The following SLC39A8 variants were observed in gnomAD, a reference collection of about 807,000 sequenced individuals.
SLC39A8 encodes solute carrier family 39 member 8.
In SLC39A8, 15 loss-of-function variants were observed where a neutral mutation model predicts 40.4. That is an observed-to-expected ratio of 0.37 (90% CI 0.25 to 0.57). The LOEUF (loss-of-function observed/expected upper bound fraction) is 0.57, where lower values mean the gene tolerates loss of function less well. Among genes scored for constraint, SLC39A8 ranks in the 20% least tolerant of loss-of-function variants. SLC39A8 has a pLI of 0.75. For missense variants in SLC39A8, 472 were observed against 558.8 expected, an observed-to-expected ratio of 0.84 and a Z score of 1.57; for synonymous variants, 223 against 221.6, an observed-to-expected ratio of 1.01 and a Z score of -0.06.
At chr4:102,344,308 C>G in intron 2 of SLC39A8, 136 bp downstream of exon 2, 1 of 606,756 alleles carries the variant, frequency 1.6e-6, no homozygotes, top group South Asian at 2.6e-5. Context: ...CAAGTGTCAC[C>G]AGATACCGCC....
intron 11 of SLC39A8, among the ~76,000 whole-genome samples, chr4:102,256,204 G>A (rs1380883914): frequency 6.6e-6 from 1 of 152,112 alleles, no homozygotes; most frequent in Non-Finnish European, 1.5e-5. Flanking sequence ...TGAATGGGTG[G>A]AACGTCTCAG....
chr4:102,283,266 G>C (rs1462977780), intron 6 of SLC39A8, among the ~76,000 whole-genome samples: 1 of 152,182 alleles, frequency 6.6e-6, no homozygotes. Flanking sequence ...TGCCCAAAAC[G>C]ACACAGCTAG....
chr4:102,340,857 A>C (rs970067548), intron 2 of SLC39A8, among the ~76,000 whole-genome samples: 1 of 152,212 alleles, frequency 6.6e-6, no homozygotes, highest in Non-Finnish European at 1.5e-5. Flanking sequence ...AAGAGAGTAG[A>C]TTTTCACAGG....
intron 8 of SLC39A8, among the ~76,000 whole-genome samples, chr4:102,266,149 C>T (rs1732086097): frequency 6.6e-6 from 1 of 152,034 alleles, no homozygotes; most frequent in Non-Finnish European, 1.5e-5. Flanking sequence ...ATTTAAGGAT[C>T]CCCTCTTTCT....
chr4:102,257,795 C>T (rs73836551), downstream of SLC39A8, among the ~76,000 whole-genome samples: 14,767 of 152,264 alleles, frequency 0.097, 1,230 homozygotes, highest in African/African-American at 0.22. Flanking sequence ...TAACACTGAA[C>T]TCCAAATTCA....
intron 3 of SLC39A8, among the ~76,000 whole-genome samples, chr4:102,314,913 C>T (rs1237459566): frequency 6.6e-6 from 1 of 152,076 alleles, no homozygotes; most frequent in Non-Finnish European, 1.5e-5. Flanking sequence ...CCATTGACTC[C>T]TTAGTGCACA....
chr4:102,330,818 T>C (rs944180253), intron 2 of SLC39A8, among the ~76,000 whole-genome samples: 13 of 152,330 alleles, frequency 8.5e-5, no homozygotes, highest in Admixed American at 6.5e-4. Context: ...TCAAAAAGCT[T>C]ATCCATTATG....
Position 102,344,836 on chromosome 4 carries a change from C to T in SLC39A8, c.-174G>A, listed in dbSNP as rs1736102995. 7.6e-7 allele frequency: 1 copy of T among 1,317,130 alleles called. No homozygotes were observed. The highest frequency in any genetic ancestry group is 1.6e-5 in the African/African-American group (1 of 64,508). 81.6% of individuals were successfully genotyped at this position (1,317,130 alleles called of 1,614,324 possible). Reference sequence around the variant, plus strand: ...CGACGCCTTCGAAAGAACAGCAGCTCGCGACCTGCGGGGCATTGAAGTGGC... The same window carrying T: ...CGACGCCTTCGAAAGAACAGCAGCTTGCGACCTGCGGGGCATTGAAGTGGC... On this transcript the variant is annotated 5_prime_UTR_variant, in exon 2 of 9. Transcript: ENST00000356736.
intron 8 of SLC39A8, among the ~76,000 whole-genome samples, chr4:102,264,247 C>A (rs137871394): frequency 6.6e-6 from 1 of 152,144 alleles, no homozygotes; most frequent in African/African-American, 2.4e-5. Context: ...CCATGGACTG[C>A]GGAATGTATG....
At chr4:102,275,515 A>G (rs544205057) in intron 6 of SLC39A8, among the ~76,000 whole-genome samples, 8 of 152,274 alleles carry the variant, frequency 5.3e-5, no homozygotes, top group African/African-American at 1.9e-4. Context: ...AGAGACTTAG[A>G]CTCCCACACA....
At chr4:102,288,308 C>T (rs931069101) in intron 6 of SLC39A8, among the ~76,000 whole-genome samples, 1 of 151,914 alleles carries the variant, frequency 6.6e-6, no homozygotes, top group Non-Finnish European at 1.5e-5. Context: ...TGACTGTGCC[C>T]CCATAAGATG....
intron 2 of SLC39A8, among the ~76,000 whole-genome samples, chr4:102,340,235 C>T (rs890937555): frequency 3.3e-5 from 5 of 152,098 alleles, no homozygotes; most frequent in Non-Finnish European, 5.9e-5. Context: ...CCATGCCCTT[C>T]AACTTGTTAA....
intron 1 of SLC39A8, 65 bp downstream of exon 1, chr4:102,345,280 C>T (rs1736127041): frequency 6.6e-6 from 1 of 152,550 alleles, no homozygotes; most frequent in African/African-American, 2.4e-5. Context: ...TAAAGGGGAC[C>T]CTCCCTCTCC....
At chr4:102,318,260 C>A (rs914330342) in intron 2 of SLC39A8, among the ~76,000 whole-genome samples, 3 of 152,100 alleles carry the variant, frequency 2.0e-5, no homozygotes, top group Non-Finnish European at 4.4e-5. Flanking sequence ...TTTAGCTGGA[C>A]AGGTGGTCAG....
chr4:102,314,358 A>C (rs1445891604), intron 3 of SLC39A8, among the ~76,000 whole-genome samples: 1 of 152,068 alleles, frequency 6.6e-6, no homozygotes, highest in Non-Finnish European at 1.5e-5. Flanking sequence ...TCTGTTCTTC[A>C]GATTGTAGGC....
rs11382393 is a variant in SLC39A8, at chr4:102,253,159, C to CG, written c.*569dup. 0.78 allele frequency: 270,072 copies of CG among 344,990 alleles called. 107,757 individuals are homozygous for CG. Among genetic ancestry groups the CG allele is most frequent in the African/African-American group, 0.95 (44,588 of 46,730 alleles). The allele number at this position is 344,990 out of a possible 1,614,324, so 21.4% of individuals were successfully genotyped here. ...ATTAGAACTCAAACATGTCGTTTTT[C>CG]GGGGCGAGCGGGGAGGGCGGCGGGG... On this transcript the variant is annotated 3_prime_UTR_variant and NMD_transcript_variant, in exon 12 of 12. Transcript: ENST00000424970.
chr4:102,285,083 A>G (rs10489121), intron 6 of SLC39A8, among the ~76,000 whole-genome samples: 11,326 of 152,222 alleles, frequency 0.074, 614 homozygotes, highest in South Asian at 0.14. Context: ...CCTAAGTAGA[A>G]AGAGATTCAG....
At chr4:102,332,152 C>T (rs979534154) in intron 2 of SLC39A8, among the ~76,000 whole-genome samples, 5 of 152,012 alleles carry the variant, frequency 3.3e-5, no homozygotes, top group African/African-American at 1.2e-4. Context: ...CAACAAAAGC[C>T]AAAATTGACA....
Position 102,304,401 on chromosome 4 carries a change from A to G in SLC39A8, c.756T>C (p.Asn252=). ...THQPKALPAI[N]GVTCYANPAV... is the part of the protein sequence containing the mutation. ...CAGGATTTGCATAGCATGTCACACCATTGATGGCAGGTAATGCTTTAGGTT... is the reference window on the plus strand; with the variant it reads ...CAGGATTTGCATAGCATGTCACACCGTTGATGGCAGGTAATGCTTTAGGTT... Residue 252 remains asparagine, a synonymous_variant, in exon 6 of 9, where the codon AAT becomes AAC. Transcript: ENST00000356736. 1 of 1,611,692 alleles carries G rather than the reference A, an allele frequency of 6.2e-7. No homozygotes were observed. Among genetic ancestry groups the G allele is most frequent in the Non-Finnish European group, 8.5e-7 (1 of 1,178,400 alleles).
Sources: gnomAD v4.1 joint callset for allele counts (sites outside exome capture counted in the v4.1 genomes callset) on GRCh38, gnomAD v4.1.1 for gene constraint, MANE v1.5 for transcripts, NCBI Gene and HGNC (gene_info 2026-07-23, HGNC 2026-07-21) for gene names.